PUM1: variants seen among roughly 807,000 people sequenced by gnomAD.
The protein encoded by PUM1 is pumilio RNA binding family member 1, also known as pumilio homolog 1.
A neutral mutation model predicts 131.8 loss-of-function variants in PUM1; 13 were observed. The ratio of observed to expected loss-of-function variants is 0.10; its 90% confidence interval spans 0.06 to 0.16. The LOEUF is 0.16. PUM1 is among the 10% of genes least tolerant of loss of function. The pLI is 1.00. For synonymous variants in PUM1, 509 were observed against 556.5 expected (o/e 0.91, Z 1.20); for missense variants, 961 against 1,512.4 (o/e 0.64, Z 6.05).
intron 7 of PUM1, among the ~76,000 whole-genome samples, chr1:30,989,257 C>A (rs1375860881): frequency 6.6e-6 from 1 of 152,134 alleles, no homozygotes; most frequent in Non-Finnish European, 1.5e-5. Context: ...ATAAAAAAGT[C>A]TTTCAAGGCA....
rs1385764801 is a variant in PUM1, at chr1:30,992,654, G to A, written c.894C>T (p.Thr298=). The A allele has an allele frequency of 6.2e-7, 1 of 1,612,626 alleles. No homozygotes were observed. The highest frequency in any genetic ancestry group is 8.5e-7 in the Non-Finnish European group (1 of 1,179,000). Residue 298 remains threonine (T), a synonymous_variant, in exon 7 of 22, where the codon ACC becomes ACT. Transcript: ENST00000426105. ...TAGCAGAGTTCTGGCAATTACCAGGGGTACGGCTAAACAGAGAAAGTAAAG... is the reference window on the plus strand; with the variant it reads ...TAGCAGAGTTCTGGCAATTACCAGGAGTACGGCTAAACAGAGAAAGTAAAG... ...IDADVKDFSR[T]PGNCQNSANE...
In PUM1 at chr1:30,952,319, T is replaced by A; in HGVS notation, c.2636A>T (p.Gln879Leu). ...KLERATPAER[Q>L]LVFNEILQAA... ...CTGGAGGATTTCATTGAAGACAAGC[T>A]GGCGCTCAGCTGGTGTGGCACGCTC... is the stretch of plus-strand genomic sequence containing the variant. The change falls in exon 16 of 22, where the codon CAG becomes CTG. Residue 879 changes from glutamine to leucine, a missense_variant. This residue lies in a region of PUM1 where 117 missense variants were observed against 200.7 expected (regional missense o/e 0.58). Transcript: ENST00000426105. 1 of 1,613,736 alleles carries A rather than the reference T, an allele frequency of 6.2e-7. No homozygotes were observed. The highest frequency in any genetic ancestry group is 8.5e-7 in the Non-Finnish European group (1 of 1,179,624).
rs201864626 is a variant in PUM1 at position 30,967,203 on chromosome 1, C to T, written c.1753G>A (p.Ala585Thr). The change falls in exon 12 of 22, where the codon GCC (alanine) becomes ACC (threonine). Residue 585 changes from alanine (A) to threonine (T), a missense_variant. By Grantham distance (58) the Ala-to-Thr change is moderately conservative (BLOSUM62 0). Around this residue, in one of 4 missense-constraint regions of PUM1, gnomAD observed 654 missense variants for 923.9 expected, o/e 0.71. Transcript: ENST00000426105. ...LGAPVRLVAP[A>T]PVIISSSAAQ... ...GCTGAGGAACTAATGATGACTGGGG[C>T]AGGAGCTACAAGTCGAACAGGAGCT... 1.2e-6 allele frequency: 2 copies of T among 1,614,042 alleles called. No homozygotes were observed. Among genetic ancestry groups the T allele is most frequent in the South Asian group, 1.1e-5 (1 of 91,084 alleles).
At chr1:31,048,561 G>A (rs1357895991) in intron 2 of PUM1, among the ~76,000 whole-genome samples, 2 of 150,406 alleles carry the variant, frequency 1.3e-5, no homozygotes, top group Non-Finnish European at 1.5e-5. Context: ...TGCAACCTCC[G>A]CCTCCCAAGT....
At chr1:31,022,771 G>T (rs2124536737) in intron 3 of PUM1, among the ~76,000 whole-genome samples, 1 of 152,222 alleles carries the variant, frequency 6.6e-6, no homozygotes. Flanking sequence ...GTGGTTAGCT[G>T]TTTTTTCTAA....
At position 30,941,124 on chromosome 1, in the gene PUM1, A is replaced by C. The variant is rs765382711; in HGVS notation, c.3242+27T>G. On this transcript the variant is annotated intron_variant, in intron 20 of 21. Transcript: ENST00000426105. ...TACTACTAATCCTCTCTTCTGGGAA[A>C]TAGTCCTTGTAACTCAAAGCACGTA... The C allele has an allele frequency of 6.3e-6, 10 of 1,597,272 alleles. No individual in the cohort carries two copies. In the East Asian group the frequency reaches 2.0e-4, roughly 32 times the overall value.
chr1:31,001,140 C>T (rs942218706), intron 5 of PUM1, among the ~76,000 whole-genome samples: 5 of 151,868 alleles, frequency 3.3e-5, no homozygotes, highest in African/African-American at 9.7e-5. Context: ...GCCGAGATTG[C>T]GCCACTGCGC....
At chr1:30,978,765 G>A (rs1641241438) in intron 9 of PUM1, among the ~76,000 whole-genome samples, 1 of 152,086 alleles carries the variant, frequency 6.6e-6, no homozygotes, top group African/African-American at 2.4e-5. Flanking sequence ...AAATAACAAA[G>A]ATGCCTGTCT....
At chr1:30,936,958 G>A in intron 20 of PUM1, 123 bp from the exon 21 acceptor site, 3 of 808,594 alleles carry the variant, frequency 3.7e-6, no homozygotes, top group Non-Finnish European at 5.6e-6. Flanking sequence ...TAACATTTGA[G>A]GAAGATGAGT....
intron 7 of PUM1, among the ~76,000 whole-genome samples, chr1:30,985,751 T>C (rs774736729): frequency 4.6e-5 from 7 of 152,150 alleles, no homozygotes; most frequent in Non-Finnish European, 1.0e-4. Context: ...AAACCATTTT[T>C]GTTTTTACGG....
intron 4 of PUM1, 79 bp downstream of exon 4, chr1:31,006,915 A>C: frequency 9.0e-7 from 1 of 1,112,868 alleles, no homozygotes; most frequent in South Asian, 1.4e-5. Context: ...CTGATGTAAA[A>C]TTCATGACTT....
At chr1:30,980,334 C>G (rs906763406) in intron 8 of PUM1, among the ~76,000 whole-genome samples, 171 bp from the exon 9 acceptor site, 1 of 152,014 alleles carries the variant, frequency 6.6e-6, no homozygotes, top group Non-Finnish European at 1.5e-5. Context: ...AACTGCTATA[C>G]TAAAGATTAT....
At chr1:30,983,523 A>G (rs1641432355) in intron 7 of PUM1, among the ~76,000 whole-genome samples, 1 of 152,206 alleles carries the variant, frequency 6.6e-6, no homozygotes, top group African/African-American at 2.4e-5. Context: ...TTCAGAACAC[A>G]ACTCTTAAGG....
intron 9 of PUM1, among the ~76,000 whole-genome samples, chr1:30,976,216 A>G (rs1641132927): frequency 6.6e-6 from 1 of 152,250 alleles, no homozygotes; most frequent in Admixed American, 6.5e-5. Context: ...AATTATGCAG[A>G]TATCAACCCA....
At chr1:31,064,307 T>A (rs1644432670) in intron 1 of PUM1, among the ~76,000 whole-genome samples, 1 of 152,146 alleles carries the variant, frequency 6.6e-6, no homozygotes, top group South Asian at 2.1e-4. Flanking sequence ...TTGAACAAAA[T>A]GAATTCAATT....
At chr1:31,011,419 G>A (rs1040294967) in intron 3 of PUM1, among the ~76,000 whole-genome samples, 6 of 151,588 alleles carry the variant, frequency 4.0e-5, no homozygotes, top group South Asian at 4.2e-4. Context: ...TTTTTAACTC[G>A]GCAAAATCAA....
chr1:31,043,161 G>A (rs1643873781), intron 2 of PUM1, among the ~76,000 whole-genome samples: 1 of 152,106 alleles, frequency 6.6e-6, no homozygotes, highest in Non-Finnish European at 1.5e-5. Flanking sequence ...GGACAACTGG[G>A]TGGGGGAAGC....
chr1:30,955,933 G>C (rs1297998054), intron 14 of PUM1, among the ~76,000 whole-genome samples: 2 of 152,164 alleles, frequency 1.3e-5, no homozygotes, highest in African/African-American at 4.8e-5. Context: ...ACTTTCTCTG[G>C]AATTCTCACT....
chr1:30,970,113 G>T (rs947736202), intron 10 of PUM1, among the ~76,000 whole-genome samples: 1 of 152,206 alleles, frequency 6.6e-6, no homozygotes, highest in Non-Finnish European at 1.5e-5. Flanking sequence ...AATTACTACA[G>T]TTCCTAACAA....
Sources: allele counts gnomAD v4.1 joint callset (sites outside exome capture counted in the v4.1 genomes callset), GRCh38; gene constraint gnomAD v4.1.1; regional missense constraint gnomAD v4.1.1; transcripts MANE v1.5; gene names NCBI Gene and HGNC (gene_info 2026-07-23, HGNC 2026-07-21).